Variants in ZNF33A observed in about 807,000 individuals in gnomAD.
ZNF33A encodes the protein brain my041 protein.
A neutral mutation model predicts 15.9 loss-of-function variants in ZNF33A; 9 were observed. That is an observed-to-expected ratio of 0.57 (90% CI 0.34 to 0.99). The LOEUF (loss-of-function observed/expected upper bound fraction) is 0.99. Among genes scored for constraint, ZNF33A ranks in the 50% least tolerant of loss-of-function variants. The pLI is 0.02. For missense variants in ZNF33A, 843 were observed against 941.6 expected (o/e 0.90, Z 1.37); for synonymous variants, 294 against 324.2 (o/e 0.91, Z 1.00).
Position 38,033,028 on chromosome 10 carries a change from G to A in ZNF33A, c.250+15642G>A, listed in dbSNP as rs149915999. On this transcript the variant is annotated intron_variant, in intron 4 of 4. Coordinates refer to ENST00000432900, the MANE Select transcript of ZNF33A (RefSeq NM_006954.2). ...CTCCCAAAGTGCTGGGATTATAGGC[G>A]TGAGGCACTGCGTCCGGCTGACAGT... 7.9e-3 allele frequency among the ~76,000 whole-genome samples: 1,204 copies of A among 152,274 alleles called. 17 individuals are homozygous for A. The highest frequency in any genetic ancestry group is 0.027 in the African/African-American group (1,140 of 41,566).
chr10:38,010,970 A>G (rs1368228440), intron 1 of ZNF33A, among the ~76,000 whole-genome samples, 187 bp downstream of exon 1: 7 of 152,150 alleles, frequency 4.6e-5, no homozygotes, highest in Admixed American at 2.0e-4. Context: ...CGGCCTCTGT[A>G]CGGAGCAGGG....
chr10:38,036,108 G>C (rs1422756261), intron 4 of ZNF33A, among the ~76,000 whole-genome samples: 2 of 152,202 alleles, frequency 1.3e-5, no homozygotes, highest in East Asian at 3.9e-4. Context: ...GAAAATAATT[G>C]GATGCTGTGA....
intron 4 of ZNF33A, among the ~76,000 whole-genome samples, chr10:38,042,126 G>T (rs1173601637): frequency 1.3e-5 from 2 of 151,424 alleles, no homozygotes; most frequent in African/African-American, 4.8e-5. Flanking sequence ...TCATTTGTTT[G>T]TGTGGATTCA....
chr10:38,067,143 C>T (rs1346939289), downstream of ZNF33A, among the ~76,000 whole-genome samples: 2 of 152,138 alleles, frequency 1.3e-5, no homozygotes, highest in Non-Finnish European at 2.9e-5. Flanking sequence ...ATTTAATTTT[C>T]TCCTACCAGG....
chr10:38,015,472 A>G (rs770463977), intron 2 of ZNF33A, among the ~76,000 whole-genome samples: 15 of 151,976 alleles, frequency 9.9e-5, no homozygotes, highest in Non-Finnish European at 2.1e-4. Flanking sequence ...ACACCCGCCA[A>G]CACGCCTGGC....
downstream of ZNF33A, chr10:38,064,698 T>C (rs1029424593): frequency 2.0e-5 from 3 of 152,292 alleles, no homozygotes; most frequent in African/African-American, 7.2e-5. Flanking sequence ...CACTTGTTTT[T>C]GTCTCACGCT....
rs551110374 is a variant in ZNF33A, at chr10:38,060,071, T to A, written c.*3511T>A. On this transcript the variant is annotated 3_prime_UTR_variant, in exon 5 of 5. Coordinates refer to ENST00000432900, the MANE Select transcript of ZNF33A (RefSeq NM_006954.2). ...AACCAACCAACCCTGAGGAACATCTTGTTTCTGTACTAAGGTGTTCTTTTG... is the reference window on the plus strand; with the variant it reads ...AACCAACCAACCCTGAGGAACATCTAGTTTCTGTACTAAGGTGTTCTTTTG... 5 of 985,434 alleles carry A rather than the reference T, an allele frequency of 5.1e-6. No homozygotes were observed. In the South Asian group the frequency reaches 1.9e-4, roughly 37 times the overall value. The allele number at this position is 985,434 out of a possible 1,614,324, so 61.0% of individuals were successfully genotyped here. A position where few individuals can be genotyped will look rare whatever the true frequency, so the allele number is the denominator to read the frequency against.
rs12257902 is a variant in ZNF33A at position 38,010,902 on chromosome 10, C to T, written c.-45+119C>T. 9.5e-3 allele frequency: 11,677 copies of T among 1,231,512 alleles called. 291 individuals are homozygous for T. Among genetic ancestry groups the T allele is most frequent in the African/African-American group, 0.084 (5,655 of 67,104 alleles). 76.3% of individuals were successfully genotyped at this position (1,231,512 alleles called of 1,614,324 possible). ...GGCCCGGGGACCTCATAGGGGAAGG[C>T]GGGGACGGCGGGGCTGCAGCGTGTG... On this transcript the variant is annotated intron_variant, in intron 1 of 4. Coordinates refer to ENST00000432900, the MANE Select transcript of ZNF33A (RefSeq NM_006954.2).
chr10:38,045,576 C>A (rs1021870786), intron 4 of ZNF33A, among the ~76,000 whole-genome samples: 2 of 152,178 alleles, frequency 1.3e-5, no homozygotes, highest in African/African-American at 4.8e-5. Flanking sequence ...ATTTAAAAAT[C>A]ATTACTGTAG....
intron 4 of ZNF33A, chr10:38,017,601 A>G (rs1192338300): frequency 8.3e-6 from 3 of 361,274 alleles, no homozygotes; most frequent in Non-Finnish European, 1.5e-5. Context: ...AATGTTTACT[A>G]TTCTTACACC....
chr10:38,027,726 T>C (rs2065045861), intron 4 of ZNF33A, among the ~76,000 whole-genome samples: 1 of 152,196 alleles, frequency 6.6e-6, no homozygotes, highest in South Asian at 2.1e-4. Flanking sequence ...TGTTTCAGGA[T>C]GCTGCTTGGT....
intron 4 of ZNF33A, among the ~76,000 whole-genome samples, chr10:38,028,988 A>T (rs2065101676): frequency 6.6e-6 from 1 of 152,192 alleles, no homozygotes; most frequent in Admixed American, 6.5e-5. Context: ...TGTTGTTTTC[A>T]CACATTACGT....
At chr10:38,041,715 C>G (rs1214093193) in intron 4 of ZNF33A, among the ~76,000 whole-genome samples, 1 of 152,176 alleles carries the variant, frequency 6.6e-6, no homozygotes, top group East Asian at 1.9e-4. Context: ...GAAGCTCAAC[C>G]AGTAAGTATA....
chr10:38,053,440 G>A (rs923519576), intron 4 of ZNF33A, among the ~76,000 whole-genome samples: 1 of 152,050 alleles, frequency 6.6e-6, no homozygotes, highest in African/African-American at 2.4e-5. Context: ...GGACACCAAT[G>A]CCATTGTATT....
chr10:38,037,995 T>C (rs1421690261), intron 4 of ZNF33A, among the ~76,000 whole-genome samples: 1 of 152,250 alleles, frequency 6.6e-6, no homozygotes, highest in East Asian at 1.9e-4. Flanking sequence ...CACTGTTCAG[T>C]GCCTTTCCAT....
intron 4 of ZNF33A, among the ~76,000 whole-genome samples, chr10:38,022,849 G>A (rs626519): frequency 0.53 from 79,918 of 151,908 alleles, 21,340 homozygotes; most frequent in South Asian, 0.71. Flanking sequence ...CCAAGTACAA[G>A]AGAGTTGTAG....
At chr10:38,012,262 A>C in intron 1 of ZNF33A, 36 bp from the exon 2 acceptor site, 1 of 1,601,494 alleles carries the variant, frequency 6.2e-7, no homozygotes, top group Admixed American at 1.8e-5. Flanking sequence ...GGCAGGCCAA[A>C]TCTTTCATGA....
rs144276474 is a variant in ZNF33A at position 38,056,597 on chromosome 10, T to A, written c.*37T>A. On this transcript the variant is annotated 3_prime_UTR_variant, in exon 5 of 5. Transcript: ENST00000432900. ...CTCACCTTATGTTACTCCAAAGTAA[T>A]AGTAGGGGATAAACCCATAGACTAC... is the stretch of plus-strand genomic sequence containing the variant. The A allele has an allele frequency of 9.2e-6, 14 of 1,526,594 alleles. No individual in the cohort carries two copies. The African/African-American group carries it at 1.8e-4, about 20-fold the overall frequency. 94.6% of individuals were successfully genotyped at this position (1,526,594 alleles called of 1,614,324 possible).
At chr10:38,062,382 G>T (rs1369764178), downstream of ZNF33A, among the ~76,000 whole-genome samples, 1 of 152,136 alleles carries the variant, frequency 6.6e-6, no homozygotes, top group Non-Finnish European at 1.5e-5. Flanking sequence ...TTGGCATTTG[G>T]CCATGCTACA....
Sources: allele counts gnomAD v4.1 joint callset (sites outside exome capture counted in the v4.1 genomes callset), GRCh38; gene constraint gnomAD v4.1.1; transcripts MANE v1.5; gene names NCBI Gene and HGNC (gene_info 2026-07-23, HGNC 2026-07-21).